The following ZNF16 variants were observed in gnomAD, a reference collection of about 807,000 sequenced individuals.
ZNF16 encodes zinc finger protein KOX9.
Under a neutral mutation model 9.0 loss-of-function variants are expected in ZNF16, and 7 were observed. The ratio of observed to expected loss-of-function variants is 0.78; its 90% CI spans 0.44 to 1.47. The LOEUF (loss-of-function observed/expected upper bound fraction) is 1.47, where lower values mean the gene tolerates loss of function less well. Among genes scored for constraint, ZNF16 ranks in the 40% most tolerant of loss-of-function variants. The pLI is 0.01. For missense variants in ZNF16, 830 were observed against 854.2 expected (o/e 0.97, Z 0.35); for synonymous variants, 312 against 301.5 (o/e 1.03, Z -0.36).
rs1459549646 is a variant in ZNF16, at chr8:144,946,545, C to CTGCTGTGGGCCTGTACCG, written c.-9-331_-9-330insCGGTACAGGCCCACAGCA. Among the ~76,000 whole-genome samples, 208 of 127,858 alleles carry CTGCTGTGGGCCTGTACCG rather than the reference C, an allele frequency of 1.6e-3. 36 individuals are homozygous for CTGCTGTGGGCCTGTACCG. Among genetic ancestry groups the CTGCTGTGGGCCTGTACCG allele is most frequent in the African/African-American group, 2.5e-3 (82 of 32,558 alleles). The allele number at this position is 127,858 out of a possible 152,430, so 83.9% of individuals were successfully genotyped here. A position where few individuals can be genotyped will look rare whatever the true frequency, so the allele number is the denominator to read the frequency against. On this transcript the variant is annotated intron_variant, in intron 1 of 2. Coordinates refer to ENST00000394909, the MANE Select transcript of ZNF16 (RefSeq NM_006958.3). ...TGTGTCCTGCTGTGGGGCCTGTGTA[C>CTGCTGTGGGCCTGTACCG]TGCTGTGGGGCCTGTACCCTGCTGT...
intron 2 of ZNF16, chr8:144,945,751 A>C: frequency 2.0e-6 from 1 of 504,768 alleles, no homozygotes; most frequent in Non-Finnish European, 3.3e-6. Context: ...TCAGGAGTAT[A>C]GGGCAAATCA....
At chr8:144,946,970 G>A (rs1563926141) in intron 1 of ZNF16, among the ~76,000 whole-genome samples, 2 of 68,204 alleles carry the variant, frequency 2.9e-5, no homozygotes, top group East Asian at 1.2e-3. Context: ...GTGTCCTGCT[G>A]TGGGCCTGTG....
chr8:144,950,660 G>A (rs1453794773), intron 1 of ZNF16, 137 bp downstream of exon 1: 3 of 124,922 alleles, frequency 2.4e-5, no homozygotes, highest in African/African-American at 8.7e-5. Flanking sequence ...CCCCCCGCGC[G>A]GCTCCGCCCC....
chr8:144,931,314 G>A lies in ZNF16; in HGVS notation c.1473C>T (p.Cys491=), dbSNP rs1158403969. 3 of 1,614,084 alleles carry A rather than the reference G, an allele frequency of 1.9e-6. No individual in the cohort carries two copies. Among genetic ancestry groups the A allele is most frequent in the Non-Finnish European group, 2.5e-6 (3 of 1,180,046 alleles). The change falls in exon 3 of 3, where the codon TGC becomes TGT. Residue 491 remains cysteine (C), a synonymous_variant. Transcript: ENST00000394909. ...GGCTGAAGGCCTTCCCACAGACACT[G>A]CATCTGTACGGCTTCTCTCCCGTGT... ...IIHTGEKPYR[C]SVCGKAFSHS...
At chr8:144,941,933 A>T (rs1261690243) in intron 2 of ZNF16, among the ~76,000 whole-genome samples, 6 of 145,978 alleles carry the variant, frequency 4.1e-5, no homozygotes, top group Non-Finnish European at 8.9e-5. Context: ...CTGGGATTAC[A>T]GGCGTGAGCC....
rs370193809 is a variant in ZNF16 at position 144,942,254 on chromosome 8, A to T, written c.196+3757T>A. Among the ~76,000 whole-genome samples, 74 of 151,328 alleles carry T rather than the reference A, an allele frequency of 4.9e-4. 1 individual carries two copies. The East Asian group carries it at 1.0e-2, about 20-fold the overall frequency. On this transcript the variant is annotated intron_variant, in intron 2 of 2. Coordinates refer to ENST00000394909, the MANE Select transcript of ZNF16 (RefSeq NM_006958.3). ...CGGCCTCCCAAAGTGCTGGGATTAC[A>T]GGCATGAGCCACCATGCCTGGCCCA...
chr8:144,939,608 A>T (rs1249530764), intron 2 of ZNF16, among the ~76,000 whole-genome samples: 1 of 151,426 alleles, frequency 6.6e-6, no homozygotes, highest in Non-Finnish European at 1.5e-5. Context: ...AAAAAAAAAA[A>T]AAAAAAAAAA....
At chr8:144,946,589 GGGTCTGTATCCTGCTGTT>G (rs1833941681) in intron 1 of ZNF16, among the ~76,000 whole-genome samples, 2 of 131,416 alleles carry the variant, frequency 1.5e-5, no homozygotes, top group South Asian at 2.4e-4. Context: ...GTCCTGCTGT[GGGTCTGTATCCTGCTGTT>G]GGGCTTGTGT....
chr8:144,945,987 A>T (rs777319543), intron 2 of ZNF16, 24 bp downstream of exon 2: 2 of 1,611,872 alleles, frequency 1.2e-6, no homozygotes, highest in Non-Finnish European at 1.7e-6. Context: ...TAAGGGCACC[A>T]GCGGAGAACT....
At chr8:144,941,773 C>T (rs1440415833) in intron 2 of ZNF16, among the ~76,000 whole-genome samples, 1 of 151,354 alleles carries the variant, frequency 6.6e-6, no homozygotes, top group Non-Finnish European at 1.5e-5. Flanking sequence ...ATTCTCCTGC[C>T]TCAGCCTCCC....
Position 144,933,972 on chromosome 8 carries a change from T to C in ZNF16, c.197-1382A>G, listed in dbSNP as rs1833617507. On this transcript the variant is annotated intron_variant, in intron 2 of 2. Transcript: ENST00000394909. The surrounding 1 kb of genome is among the most constrained non-coding windows in gnomAD (Gnocchi z 5.6). ...CCTCTGGTCTAGCTGTAGTCGGTAG[T>C]GCTGAGTGGGTGTGAAGGATGCCCC... Among the ~76,000 whole-genome samples, 1 of 152,210 alleles carries C rather than the reference T, an allele frequency of 6.6e-6. No homozygotes were observed. The highest frequency in any genetic ancestry group is 2.4e-5 in the African/African-American group (1 of 41,460).
In ZNF16 at chr8:144,933,883, C is replaced by G. The variant is rs553877431; in HGVS notation, c.197-1293G>C. Among the ~76,000 whole-genome samples the G allele has an allele frequency of 9.2e-5, 14 of 152,204 alleles. No individual in the cohort carries two copies. The highest frequency in any genetic ancestry group is 1.8e-4 in the Non-Finnish European group (12 of 68,040). On this transcript the variant is annotated intron_variant, in intron 2 of 2. Coordinates refer to ENST00000394909, the MANE Select transcript of ZNF16 (RefSeq NM_006958.3). This position sits in a 1 kb window ranked among gnomAD's most constrained non-coding sequence, Gnocchi z 5.6. ...CCCCACCTACTTTCCTTGCCCCCAC[C>G]CTGGCTGTCACCCACAGCCTGGATC...
intron 2 of ZNF16, among the ~76,000 whole-genome samples, chr8:144,934,354 G>A (rs1400823426): frequency 6.6e-5 from 10 of 152,240 alleles, no homozygotes; most frequent in Non-Finnish European, 1.5e-5. Flanking sequence ...CCACAGAGCT[G>A]CCCTACGTGC....
In ZNF16 at chr8:144,932,330, G is replaced by C. The variant is rs772187403; in HGVS notation, c.457C>G (p.Leu153Val). The C allele has an allele frequency of 5.6e-6, 9 of 1,614,170 alleles. No homozygotes were observed. The highest frequency in any genetic ancestry group is 1.7e-5 in the Admixed American group (1 of 60,022). Reference protein sequence around the residue: ...LLRGPLGEKDLDCNGFDSRFS... With the variant: ...LLRGPLGEKDVDCNGFDSRFS... Reference sequence around the variant, plus strand: ...CGACTGTCAAAACCATTACAGTCCAGATCTTTCTCCCCTAAGGGGCCCCTA... The same window carrying C: ...CGACTGTCAAAACCATTACAGTCCACATCTTTCTCCCCTAAGGGGCCCCTA... Residue 153 changes from leucine to valine, a missense_variant, in exon 3 of 3, where the codon CTG becomes GTG. Transcript: ENST00000394909. The surrounding 1 kb of genome is among the most constrained non-coding windows in gnomAD (Gnocchi z 5.0).
At chr8:144,934,296 T>G (rs1833630196) in intron 2 of ZNF16, among the ~76,000 whole-genome samples, 1 of 152,234 alleles carries the variant, frequency 6.6e-6, no homozygotes, top group South Asian at 2.1e-4. Flanking sequence ...CAGAACACCC[T>G]CTTGCAGCTC....
chr8:144,937,535 A>G (rs1012977549), intron 2 of ZNF16, among the ~76,000 whole-genome samples: 7 of 152,206 alleles, frequency 4.6e-5, no homozygotes, highest in Non-Finnish European at 8.8e-5. Context: ...CTTTGGTGCC[A>G]TATCTAGGAA....
At chr8:144,942,419 C>G (rs1464183287) in intron 2 of ZNF16, among the ~76,000 whole-genome samples, 2 of 152,046 alleles carry the variant, frequency 1.3e-5, no homozygotes, top group African/African-American at 4.8e-5. Flanking sequence ...TCCTGAGTAG[C>G]TGGGATTACA....
At chr8:144,948,997 A>T (rs904696647) in intron 1 of ZNF16, among the ~76,000 whole-genome samples, 9 of 152,390 alleles carry the variant, frequency 5.9e-5, no homozygotes, top group African/African-American at 1.9e-4. Flanking sequence ...AGGACCTCGG[A>T]GAGCTAAGGA....
intron 1 of ZNF16, 147 bp from the exon 2 acceptor site, chr8:144,946,362 G>T (rs3824109): frequency 6.9e-6 from 5 of 728,818 alleles, no homozygotes; most frequent in Admixed American, 3.4e-5. Context: ...GGCTGATGCT[G>T]TGTTTCCTGA....
Sources: allele counts gnomAD v4.1 joint callset (sites outside exome capture counted in the v4.1 genomes callset), GRCh38; gene constraint gnomAD v4.1.1; non-coding constraint Gnocchi (gnomAD v3.1); transcripts MANE v1.5; gene names NCBI Gene and HGNC (gene_info 2026-07-23, HGNC 2026-07-21).